SUPT3H: variants seen among roughly 807,000 people sequenced by gnomAD.
SUPT3H encodes the protein transcription initiation protein SPT3 homolog.
SUPT3H carries 44 observed loss-of-function variants against 44.3 expected under a neutral mutation model. That is an observed-to-expected ratio of 0.99 (90% CI 0.78 to 1.28). SUPT3H has a LOEUF of 1.28. SUPT3H is among the 50% of genes most tolerant of loss of function. The probability of loss-of-function intolerance (pLI) is 0.00; values close to 1 mark genes in which losing one functional copy is unlikely to be tolerated. For missense variants in SUPT3H, 380 were observed against 387.1 expected, an observed-to-expected ratio of 0.98 and a Z score of 0.15; for synonymous variants, 124 against 125.6, an observed-to-expected ratio of 0.99 and a Z score of 0.09.
At chr6:45,042,237 A>G (rs1788651793) in intron 3 of SUPT3H, among the ~76,000 whole-genome samples, 1 of 152,162 alleles carries the variant, frequency 6.6e-6, no homozygotes. Flanking sequence ...AGCCTGGCCA[A>G]CATGGTGAAA....
intron 3 of SUPT3H, among the ~76,000 whole-genome samples, chr6:45,088,073 G>C (rs935351772): frequency 9.9e-5 from 15 of 152,138 alleles, no homozygotes; most frequent in African/African-American, 3.6e-4. Flanking sequence ...AGCTTCCTAA[G>C]TCTCCAGGAT....
chr6:45,309,579 T>A (rs1026071684), intron 2 of SUPT3H, among the ~76,000 whole-genome samples: 1 of 151,972 alleles, frequency 6.6e-6, no homozygotes, highest in Non-Finnish European at 1.5e-5. Context: ...AGAAATCTTA[T>A]TTAAATAAAT....
intron 2 of SUPT3H, among the ~76,000 whole-genome samples, chr6:45,157,717 T>G (rs569020341): frequency 6.6e-6 from 1 of 151,582 alleles, no homozygotes; most frequent in South Asian, 2.1e-4. Flanking sequence ...CCCGGCTAAT[T>G]TTTGTATTTT....
intron 2 of SUPT3H, among the ~76,000 whole-genome samples, chr6:45,305,607 G>C (rs1055742835): frequency 2.0e-5 from 3 of 152,072 alleles, no homozygotes; most frequent in Admixed American, 6.5e-5. Context: ...AAATCCTTCT[G>C]GTCCCTTCTA....
At chr6:45,263,036 G>A (rs528922660) in intron 2 of SUPT3H, among the ~76,000 whole-genome samples, 10 of 152,152 alleles carry the variant, frequency 6.6e-5, no homozygotes, top group Non-Finnish European at 1.3e-4. Context: ...CACACTGCTG[G>A]TGGGAATGTA....
intron 9 of SUPT3H, among the ~76,000 whole-genome samples, chr6:44,951,682 C>T (rs1439676126): frequency 3.3e-5 from 5 of 152,142 alleles, no homozygotes; most frequent in South Asian, 4.1e-4. Flanking sequence ...CTGGGAACAG[C>T]GGCTGCGGTT....
chr6:44,982,052 A>C (rs2153490334), intron 6 of SUPT3H, among the ~76,000 whole-genome samples: 1 of 152,304 alleles, frequency 6.6e-6, no homozygotes, highest in Non-Finnish European at 1.5e-5. Flanking sequence ...AAAACAAAGC[A>C]AAGCAAAACA....
In SUPT3H at chr6:45,127,348, G is replaced by C. The variant is rs1802597735; in HGVS notation, c.102-21342C>G. Among the ~76,000 whole-genome samples, 4 of 152,044 alleles carry C rather than the reference G, an allele frequency of 2.6e-5. No homozygotes were observed. In the East Asian group the frequency reaches 7.7e-4, roughly 29 times the overall value. ...AAATAATAATAAAAATAACAACTATGAACACTGTCCTCATACACTGTCATC... is the reference window on the plus strand; with the variant it reads ...AAATAATAATAAAAATAACAACTATCAACACTGTCCTCATACACTGTCATC... On this transcript the variant is annotated intron_variant, in intron 2 of 10. Transcript: ENST00000371459.
At chr6:45,259,293 T>G (rs1347234739) in intron 2 of SUPT3H, among the ~76,000 whole-genome samples, 1 of 152,058 alleles carries the variant, frequency 6.6e-6, no homozygotes, top group African/African-American at 2.4e-5. Flanking sequence ...TTACAAAGAA[T>G]GGCTGCCTTT....
intron 2 of SUPT3H, among the ~76,000 whole-genome samples, chr6:45,209,518 A>G (rs1157854190): frequency 1.3e-5 from 2 of 152,210 alleles, no homozygotes; most frequent in African/African-American, 4.8e-5. Flanking sequence ...AGAGAATTAG[A>G]ATTAGAAGTA....
At chr6:45,362,848 T>C (rs1020554011) in intron 2 of SUPT3H, among the ~76,000 whole-genome samples, 3 of 152,048 alleles carry the variant, frequency 2.0e-5, no homozygotes, top group African/African-American at 7.2e-5. Context: ...TCTCAGTTTT[T>C]TTAAAATGGC....
At chr6:44,985,208 T>TA (rs376871142) in intron 6 of SUPT3H, among the ~76,000 whole-genome samples, 528 of 32,280 alleles carry the variant, frequency 0.016, 3 homozygotes, top group African/African-American at 0.041. Flanking sequence ...AATAAATAAA[T>TA]AAATAAATAA....
chr6:44,874,836 A>C (rs1309357961), intron 10 of SUPT3H, among the ~76,000 whole-genome samples: 230 of 144,276 alleles, frequency 1.6e-3, no homozygotes, highest in African/African-American at 5.9e-3. Context: ...CAAAAATCAC[A>C]AGCATTCTTA....
At position 45,128,533 on chromosome 6, in the gene SUPT3H, AATAT is replaced by A. The variant is rs1554257895; in HGVS notation, c.102-22531_102-22528del. Among the ~76,000 whole-genome samples, 447 of 52,224 alleles carry A rather than the reference AATAT, an allele frequency of 8.6e-3. 8 individuals carry two copies. The highest frequency in any genetic ancestry group is 0.015 in the South Asian group (18 of 1,236). 34.3% of individuals were successfully genotyped at this position (52,224 alleles called of 152,430 possible). On this transcript the variant is annotated intron_variant, in intron 2 of 10. Coordinates refer to ENST00000371459, the MANE Select transcript of SUPT3H (RefSeq NM_003599.4). ...AAAAAAAAAAAAAAAAAAAAAAAAA[AATAT>A]ATATATATATATATATATATACACA...
At chr6:45,094,552 C>G (rs1014656413) in intron 3 of SUPT3H, among the ~76,000 whole-genome samples, 2 of 152,010 alleles carry the variant, frequency 1.3e-5, no homozygotes, top group South Asian at 4.1e-4. Flanking sequence ...AATTCCTTCC[C>G]AGTTGATCCT....
At position 45,023,562 on chromosome 6, in the gene SUPT3H, G is replaced by T. The variant is rs1049123911; in HGVS notation, c.187-2930C>A. Among the ~76,000 whole-genome samples, 5 of 152,120 alleles carry T rather than the reference G, an allele frequency of 3.3e-5. No individual in the cohort carries two copies. The South Asian group carries it at 6.2e-4, about 19-fold the overall frequency. On this transcript the variant is annotated intron_variant, in intron 3 of 10. Coordinates refer to ENST00000371459, the MANE Select transcript of SUPT3H (RefSeq NM_003599.4). ...TCAATGACAGATTAAAGAAAATGTG[G>T]TATATATACACCATGGAATATTATG...
intron 2 of SUPT3H, among the ~76,000 whole-genome samples, chr6:45,120,860 A>G (rs1199733904): frequency 6.6e-6 from 1 of 152,208 alleles, no homozygotes; most frequent in Non-Finnish European, 1.5e-5. Context: ...TCTGAGATAA[A>G]GTTCAGGAAT....
chr6:45,010,583 T>C (rs1783341125), intron 5 of SUPT3H, among the ~76,000 whole-genome samples: 1 of 152,106 alleles, frequency 6.6e-6, no homozygotes, highest in Non-Finnish European at 1.5e-5. Context: ...AAGTCTAAGA[T>C]CAAGGTGCCA....
At chr6:45,317,071 A>G (rs570465750) in intron 2 of SUPT3H, among the ~76,000 whole-genome samples, 1 of 152,004 alleles carries the variant, frequency 6.6e-6, no homozygotes, top group East Asian at 1.9e-4. Flanking sequence ...TACAAAAAAT[A>G]CAAAAATTAG....
Sources: gnomAD v4.1 joint callset for allele counts (sites outside exome capture counted in the v4.1 genomes callset) on GRCh38, gnomAD v4.1.1 for gene constraint, MANE v1.5 for transcripts, NCBI Gene and HGNC (gene_info 2026-07-23, HGNC 2026-07-21) for gene names.